Variants in CDH17 observed in about 807,000 individuals in gnomAD.
CDH17 encodes cadherin-17.
In CDH17, 67 loss-of-function variants were observed where a neutral mutation model predicts 86.3. That is an observed-to-expected ratio of 0.78 (90% CI 0.64 to 0.95). The LOEUF (loss-of-function observed/expected upper bound fraction) is 0.95, where lower values mean the gene tolerates loss of function less well. Ranked by LOEUF, CDH17 falls within the 40% of genes least tolerant of loss-of-function variation. The pLI is 0.00. For missense variants in CDH17, 993 were observed against 1,017.6 expected (o/e 0.98, Z 0.33); for synonymous variants, 367 against 366.4 (o/e 1.00, Z -0.02).
Position 94,131,005 on chromosome 8 carries a change from GA to G in CDH17, c.2168-14del, listed in dbSNP as rs113977006. On this transcript the variant is annotated splice_polypyrimidine_tract_variant and intron_variant, in intron 15 of 17. Coordinates refer to ENST00000027335, the MANE Select transcript of CDH17 (RefSeq NM_004063.4). ...CGGGCATGAGTACCTGCCAGGACAG[GA>G]AAAAAAAATGAAAATACAACTTCAG... 3.2e-4 allele frequency: 421 copies of G among 1,330,648 alleles called. No individual in the cohort carries two copies. The highest frequency in any genetic ancestry group is 3.5e-4 in the Non-Finnish European group (332 of 938,892). The allele number at this position is 1,330,648 out of a possible 1,614,324, so 82.4% of individuals were successfully genotyped here. A position where few individuals can be genotyped will look rare whatever the true frequency, so the allele number is the denominator to read the frequency against.
At chr8:94,207,974 C>A (rs1426523531) in intron 1 of CDH17, among the ~76,000 whole-genome samples, 1 of 152,178 alleles carries the variant, frequency 6.6e-6, no homozygotes, top group African/African-American at 2.4e-5. Flanking sequence ...TACAAAAAGA[C>A]TTTTCTTCTT....
At chr8:94,173,739 T>A in intron 7 of CDH17, 58 bp downstream of exon 7, 2 of 1,329,694 alleles carry the variant, frequency 1.5e-6, no homozygotes, top group Non-Finnish European at 2.2e-6. Context: ...GGTGGGTCTC[T>A]ACAAAGTGAA....
chr8:94,128,605 G>T (rs1191080896), intron 17 of CDH17, among the ~76,000 whole-genome samples: 1 of 152,146 alleles, frequency 6.6e-6, no homozygotes, highest in Non-Finnish European at 1.5e-5. Context: ...CTCGCTGTAA[G>T]AATATAGGAC....
intron 1 of CDH17, chr8:94,201,985 A>C (rs1274060834): frequency 4.4e-6 from 1 of 227,242 alleles, no homozygotes; most frequent in Non-Finnish European, 8.8e-6. Context: ...CCTGGAGCTG[A>C]GGAATAGCTT....
upstream of CDH17, chr8:94,208,569 C>T (rs373686221): frequency 2.0e-5 from 3 of 152,196 alleles, no homozygotes; most frequent in Non-Finnish European, 4.4e-5. Flanking sequence ...GTATCTCCCC[C>T]GGGAACACTC....
chr8:94,193,677 G>T (rs1813727884), intron 2 of CDH17, among the ~76,000 whole-genome samples: 1 of 152,158 alleles, frequency 6.6e-6, no homozygotes, highest in Non-Finnish European at 1.5e-5. Flanking sequence ...GTCAAGTGGG[G>T]ATGTTTGATC....
At chr8:94,177,489 T>C (rs1813396854) in intron 4 of CDH17, 98 bp downstream of exon 4, 1 of 1,275,708 alleles carries the variant, frequency 7.8e-7, no homozygotes, top group East Asian at 2.3e-5. Context: ...AAGCTGTAAC[T>C]GGATTCTGTG....
rs759111822 is a variant in CDH17 at position 94,177,638 on chromosome 8, C to G, written c.234G>C (p.Leu78=). Reference sequence around the variant, plus strand: ...CCCTGTCCAAGGCTCTGTTGTAATACAGAAGTCCCTCCCGTTCTATCACAA... The same window carrying G: ...CCCTGTCCAAGGCTCTGTTGTAATAGAGAAGTCCCTCCCGTTCTATCACAA... The part of the protein sequence containing the change: ...NIFVIEREGL[L]YYNRALDRET... The change falls in exon 4 of 18, where the codon CTG becomes CTC. Residue 78 remains leucine, a synonymous_variant. Transcript: ENST00000027335. 31 of 1,613,708 alleles carry G rather than the reference C, an allele frequency of 1.9e-5. No individual in the cohort carries two copies. The highest frequency in any genetic ancestry group is 2.6e-5 in the Non-Finnish European group (31 of 1,179,790).
intron 11 of CDH17, among the ~76,000 whole-genome samples, chr8:94,161,435 T>C (rs375270415): frequency 2.0e-5 from 3 of 152,218 alleles, no homozygotes; most frequent in Admixed American, 1.3e-4. Flanking sequence ...CAAATAGGCT[T>C]CTTGCTCCTT....
chr8:94,138,440 G>A (rs1308309260), intron 15 of CDH17, among the ~76,000 whole-genome samples: 1 of 152,210 alleles, frequency 6.6e-6, no homozygotes, highest in Non-Finnish European at 1.5e-5. Context: ...CCAGGTATCA[G>A]TTGCAGGGAG....
At chr8:94,165,353 G>A (rs1256626969) in intron 10 of CDH17, among the ~76,000 whole-genome samples, 2 of 152,282 alleles carry the variant, frequency 1.3e-5, no homozygotes, top group Non-Finnish European at 2.9e-5. Flanking sequence ...GCTTTCCTCA[G>A]ACTGTCCTAG....
intron 1 of CDH17, among the ~76,000 whole-genome samples, chr8:94,214,018 A>T (rs1230034318): frequency 6.6e-6 from 1 of 151,984 alleles, no homozygotes; most frequent in Non-Finnish European, 1.5e-5. Flanking sequence ...TCTAGACCAG[A>T]TCTCTCCTCT....
rs753501653 is a variant in CDH17, at chr8:94,170,912, A to G, written c.857T>C (p.Ile286Thr). 1.9e-5 allele frequency: 30 copies of G among 1,613,792 alleles called. No individual in the cohort carries two copies. Among genetic ancestry groups the G allele is most frequent in the South Asian group, 1.6e-4 (15 of 91,082 alleles). Residue 286 changes from isoleucine to threonine, a missense_variant, in exon 8 of 18, where the codon ATT (isoleucine) becomes ACT (threonine). Coordinates refer to ENST00000027335, the MANE Select transcript of CDH17 (RefSeq NM_004063.4). ...KEKLPRFPFS[I>T]DQEGDIYVTQ... ...CACGTAAATATCTCCTTCCTGGTCA[A>G]TTGAAAATGGGAATCTTGGCAGCTT...
intron 13 of CDH17, among the ~76,000 whole-genome samples, chr8:94,149,286 C>T (rs1812813399): frequency 6.6e-6 from 1 of 152,022 alleles, no homozygotes; most frequent in Non-Finnish European, 1.5e-5. Flanking sequence ...TTTGAACACC[C>T]AGTGGTGGAA....
At chr8:94,215,247 C>T (rs2129683007) in intron 1 of CDH17, among the ~76,000 whole-genome samples, 1 of 152,256 alleles carries the variant, frequency 6.6e-6, no homozygotes, top group East Asian at 1.9e-4. Context: ...AAATATTCAT[C>T]AACTGATGGA....
At position 94,170,545 on chromosome 8, in the gene CDH17, ATAC is replaced by A. The variant is rs1343314480; in HGVS notation, c.916-1_917del. 1 of 1,613,536 alleles carries A rather than the reference ATAC, an allele frequency of 6.2e-7. No individual in the cohort carries two copies. The highest frequency in any genetic ancestry group is 2.2e-5 in the East Asian group (1 of 44,830). ...CATCCTTTGCAACTGCATAAAAAAC[ATAC>A]TACAACAGGAAAGTCAGAGTTAAGG... On this transcript the variant is annotated splice_acceptor_variant and coding_sequence_variant, in exon 9 of 18. Coordinates refer to ENST00000027335, the MANE Select transcript of CDH17 (RefSeq NM_004063.4). LOFTEE classifies it high-confidence loss of function.
chr8:94,136,318 C>T (rs1389588126), intron 15 of CDH17, among the ~76,000 whole-genome samples: 2 of 152,222 alleles, frequency 1.3e-5, no homozygotes, highest in Admixed American at 1.3e-4. Flanking sequence ...GGTCTTTTCA[C>T]ATAGTCCCAT....
intron 3 of CDH17, among the ~76,000 whole-genome samples, chr8:94,181,158 T>C (rs1813478393): frequency 6.6e-6 from 1 of 152,074 alleles, no homozygotes; most frequent in African/African-American, 2.4e-5. Flanking sequence ...TATAAACATA[T>C]ATGCACCTAA....
At chr8:94,216,910 A>G (rs1814203374) in intron 1 of CDH17, among the ~76,000 whole-genome samples, 1 of 152,190 alleles carries the variant, frequency 6.6e-6, no homozygotes, top group South Asian at 2.1e-4. Context: ...AGTCATTCTT[A>G]AAGTTTCCCT....
Sources: allele counts gnomAD v4.1 joint callset (sites outside exome capture counted in the v4.1 genomes callset), GRCh38; gene constraint gnomAD v4.1.1; transcripts MANE v1.5; gene names NCBI Gene and HGNC (gene_info 2026-07-23, HGNC 2026-07-21).